Variants in EPS8 observed in about 807,000 individuals in gnomAD.
EPS8 encodes the protein EGFR pathway substrate 8, signaling adaptor.
EPS8 carries 42 observed loss-of-function variants against 103.8 expected under a neutral mutation model. That is an observed-to-expected ratio of 0.40 (90% CI 0.32 to 0.52). EPS8 has a LOEUF of 0.52. Among genes scored for constraint, EPS8 ranks in the 20% least tolerant of loss-of-function variants. The pLI is 0.40. For synonymous variants in EPS8, 344 were observed against 344.6 expected (o/e 1.00, Z 0.02); for missense variants, 969 against 1,005.1 (o/e 0.96, Z 0.49).
In EPS8 at chr12:15,777,147, G is replaced by T; in HGVS notation, c.-22+12014C>A. The stretch of plus-strand genomic sequence containing the variant: ...GAAGTCACTTTTATATCTATTTTAA[G>T]ATTCTTTACAATGCCATGGAGTAGC... On this transcript the variant is annotated intron_variant, in intron 1 of 20. Transcript: ENST00000281172. The surrounding 1 kb of genome is among the most constrained non-coding windows in gnomAD (Gnocchi z 4.7). 6.6e-6 allele frequency among the ~76,000 whole-genome samples: 1 copy of T among 151,970 alleles called. No individual in the cohort carries two copies. The highest frequency in any genetic ancestry group is 1.9e-4 in the East Asian group (1 of 5,194).
rs567419093 is a variant in EPS8 at position 15,752,158 on chromosome 12, T to C, written c.-22+37003A>G. ...CAGCTCCTAATTAGAGCTATTAAAA[T>C]TCCCCTAGGCCGGGCGTGGTGGCTC... On this transcript the variant is annotated intron_variant, in intron 1 of 20. Transcript: ENST00000281172. The surrounding 1 kb of genome is among the most constrained non-coding windows in gnomAD (Gnocchi z 4.4). Among the ~76,000 whole-genome samples, 113 of 152,250 alleles carry C rather than the reference T, an allele frequency of 7.4e-4. No homozygotes were observed. The highest frequency in any genetic ancestry group is 2.5e-3 in the African/African-American group (104 of 41,538).
At position 15,658,554 on chromosome 12, in the gene EPS8, T is replaced by A; in HGVS notation, c.969A>T (p.Pro323=). Residue 323 remains proline, a synonymous_variant, in exon 11 of 21, where the codon CCA becomes CCT. Transcript: ENST00000281172. ...EGVLTLRAKP[P]PPDEFLDCFQ... The stretch of plus-strand genomic sequence containing the variant: ...AACAGTCAAGAAATTCATCAGGAGG[T>A]GGAGGTTTTGCCCGCAGCGTTAAAA... The A allele has an allele frequency of 6.2e-7, 1 of 1,613,338 alleles. No homozygotes were observed. Among genetic ancestry groups the A allele is most frequent in the Non-Finnish European group, 8.5e-7 (1 of 1,179,438 alleles).
rs1182118791 is a variant in EPS8, at chr12:15,713,843, G to GAAATGCTAT, written c.-21-30880_-21-30872dup. ...GAGAATCTGGGTGAAGAGGACAGGG[G>GAAATGCTAT]AAATGCTATAAATGCTATAAGAAAT... On this transcript the variant is annotated intron_variant, in intron 1 of 20. Coordinates refer to ENST00000281172, the MANE Select transcript of EPS8 (RefSeq NM_004447.6). The surrounding 1 kb of genome is among the most constrained non-coding windows in gnomAD (Gnocchi z 4.8). 2.0e-5 allele frequency among the ~76,000 whole-genome samples: 3 copies of GAAATGCTAT among 152,162 alleles called. No individual in the cohort carries two copies. The highest frequency in any genetic ancestry group is 4.4e-5 in the Non-Finnish European group (3 of 68,020).
In EPS8 at chr12:15,655,385, G is replaced by A. The variant is rs1394297728; in HGVS notation, c.1102-1092C>T. On this transcript the variant is annotated intron_variant, in intron 12 of 20. Coordinates refer to ENST00000281172, the MANE Select transcript of EPS8 (RefSeq NM_004447.6). ...ATTACACTGTAATTTATGCATATTCGTAACACATTACACTATTACACTGTA... is the reference window on the plus strand; with the variant it reads ...ATTACACTGTAATTTATGCATATTCATAACACATTACACTATTACACTGTA... Among the ~76,000 whole-genome samples the A allele has an allele frequency of 3.9e-5, 6 of 152,226 alleles. No individual in the cohort carries two copies. In the East Asian group the frequency reaches 1.2e-3, roughly 29 times the overall value.
At chr12:15,723,386 CCTTT>C (rs1317032554) in intron 1 of EPS8, among the ~76,000 whole-genome samples, 1 of 152,020 alleles carries the variant, frequency 6.6e-6, no homozygotes, top group African/African-American at 2.4e-5. Flanking sequence ...GTGATGGTAT[CCTTT>C]CTTTAAAACC....
chr12:15,687,957 T>C (rs890961559), intron 1 of EPS8, among the ~76,000 whole-genome samples: 2 of 152,258 alleles, frequency 1.3e-5, no homozygotes, highest in East Asian at 1.9e-4. Flanking sequence ...ATTGTCTTAA[T>C]CTTGACATTA....
rs1301034171 is a variant in EPS8, at chr12:15,764,968, T to C, written c.-22+24193A>G. Among the ~76,000 whole-genome samples, 3 of 152,240 alleles carry C rather than the reference T, an allele frequency of 2.0e-5. No homozygotes were observed. Among genetic ancestry groups the C allele is most frequent in the Non-Finnish European group, 2.9e-5 (2 of 68,042 alleles). On this transcript the variant is annotated intron_variant, in intron 1 of 20. Transcript: ENST00000281172. This position sits in a 1 kb window ranked among gnomAD's most constrained non-coding sequence, Gnocchi z 4.1. ...TCATTTTCCATTGAATTATTTTATA[T>C]TGAAAGTCAGAATTTTTCTATAAAC...
At chr12:15,724,390 A>G (rs2950436) in intron 1 of EPS8, among the ~76,000 whole-genome samples, 1,871 of 152,268 alleles carry the variant, frequency 0.012, 31 homozygotes, top group African/African-American at 0.037. Flanking sequence ...CATATTAAAT[A>G]GTCACTTTGT....
chr12:15,772,774 T>A lies in EPS8; in HGVS notation c.-22+16387A>T, dbSNP rs991821893. On this transcript the variant is annotated intron_variant, in intron 1 of 20. Transcript: ENST00000281172. This position sits in a 1 kb window ranked among gnomAD's most constrained non-coding sequence, Gnocchi z 5.0. Reference sequence around the variant, plus strand: ...AGGAGCCAAAGGAAGAGAATATTCTTTTTATTTAAAAGAAGGCAAAAATCA... The same window carrying A: ...AGGAGCCAAAGGAAGAGAATATTCTATTTATTTAAAAGAAGGCAAAAATCA... Among the ~76,000 whole-genome samples, 1 of 152,166 alleles carries A rather than the reference T, an allele frequency of 6.6e-6. No individual in the cohort carries two copies. Among genetic ancestry groups the A allele is most frequent in the Non-Finnish European group, 1.5e-5 (1 of 68,016 alleles).
At chr12:15,621,505 G>C (rs549191269) in intron 20 of EPS8, 75 bp from the exon 21 acceptor site, 27 of 758,332 alleles carry the variant, frequency 3.6e-5, no homozygotes, top group Non-Finnish European at 1.1e-5. Flanking sequence ...AATGGCTCAG[G>C]ATAAAATTCT....
chr12:15,660,871 T>C (rs575717053), intron 9 of EPS8, 131 bp from the exon 10 acceptor site: 29 of 575,544 alleles, frequency 5.0e-5, no homozygotes, highest in African/African-American at 4.9e-4. Context: ...AGTTTATTAC[T>C]AATTACAAGA....
intron 1 of EPS8, among the ~76,000 whole-genome samples, chr12:15,740,545 G>GA (rs1397934395): frequency 6.7e-6 from 1 of 149,216 alleles, no homozygotes; most frequent in Non-Finnish European, 1.5e-5. Context: ...ACTCCATCTA[G>GA]AAAAAATAAA....
At position 15,734,896 on chromosome 12, in the gene EPS8, C is replaced by T. The variant is rs577282558; in HGVS notation, c.-21-51924G>A. On this transcript the variant is annotated intron_variant, in intron 1 of 20. Coordinates refer to ENST00000281172, the MANE Select transcript of EPS8 (RefSeq NM_004447.6). The surrounding 1 kb of genome is among the most constrained non-coding windows in gnomAD (Gnocchi z 4.1). ...TATAATATGTAAGCTGGAAGGTAAG[C>T]AGGGCCAACTGCCATATCATTTCCA... 1.3e-5 allele frequency among the ~76,000 whole-genome samples: 2 copies of T among 152,210 alleles called. No individual in the cohort carries two copies. Among genetic ancestry groups the T allele is most frequent in the East Asian group, 3.9e-4 (2 of 5,184 alleles).
At chr12:15,646,022 CTTAG>C (rs1945314300) in intron 15 of EPS8, among the ~76,000 whole-genome samples, 1 of 152,080 alleles carries the variant, frequency 6.6e-6, no homozygotes, top group Non-Finnish European at 1.5e-5. Flanking sequence ...AAGATGAATA[CTTAG>C]TTAAGGATTT....
rs1250511490 is a variant in EPS8 at position 15,770,387 on chromosome 12, G to T, written c.-22+18774C>A. On this transcript the variant is annotated intron_variant, in intron 1 of 20. Coordinates refer to ENST00000281172, the MANE Select transcript of EPS8 (RefSeq NM_004447.6). ...TTAAAAATATTTATAATTACAGTAG[G>T]ATTTGGTAAAAACAATGTGCTAAAG... is the stretch of plus-strand genomic sequence containing the variant. Among the ~76,000 whole-genome samples the T allele has an allele frequency of 3.3e-5, 5 of 151,896 alleles. No homozygotes were observed. The East Asian group carries it at 5.8e-4, about 18-fold the overall frequency.
At chr12:15,685,992 G>T (rs1160587658) in intron 1 of EPS8, among the ~76,000 whole-genome samples, 1 of 151,992 alleles carries the variant, frequency 6.6e-6, no homozygotes, top group Admixed American at 6.6e-5. Flanking sequence ...TAATTCTGCT[G>T]AAAGTATACA....
chr12:15,655,560 C>A (rs1365428428), intron 12 of EPS8, among the ~76,000 whole-genome samples: 1 of 152,138 alleles, frequency 6.6e-6, no homozygotes, highest in African/African-American at 2.4e-5. Context: ...CAAAACCTAC[C>A]CTGCCTATCT....
chr12:15,665,577 C>T (rs1047200315), intron 8 of EPS8, 179 bp downstream of exon 8: 5 of 641,622 alleles, frequency 7.8e-6, no homozygotes, highest in Middle Eastern at 4.1e-4. Context: ...GTGATCCGCC[C>T]GCCTCGGCCT....
chr12:15,686,307 T>A (rs1156410228), intron 1 of EPS8, among the ~76,000 whole-genome samples: 2 of 152,200 alleles, frequency 1.3e-5, no homozygotes, highest in Non-Finnish European at 2.9e-5. Flanking sequence ...ATTTATATGA[T>A]CTTAGGTAGA....
Sources: gnomAD v4.1 joint callset for allele counts (sites outside exome capture counted in the v4.1 genomes callset) on GRCh38, gnomAD v4.1.1 for gene constraint, Gnocchi (gnomAD v3.1) non-coding constraint, MANE v1.5 for transcripts, NCBI Gene and HGNC (gene_info 2026-07-23, HGNC 2026-07-21) for gene names.